GBE1: variants seen among roughly 807,000 people sequenced by gnomAD.
The protein encoded by GBE1 is 1,4-alpha-glucan-branching enzyme.
GBE1 carries 70 observed loss-of-function variants against 88.8 expected under a neutral mutation model. That is an observed-to-expected ratio of 0.79 (90% CI 0.65 to 0.96). GBE1 has a LOEUF of 0.96. GBE1 is among the 40% of genes least tolerant of loss of function. The probability of loss-of-function intolerance (pLI) is 0.00; values close to 1 mark genes in which losing one functional copy is unlikely to be tolerated. For missense variants in GBE1, 872 were observed against 871.0 expected (o/e 1.00, Z -0.01); for synonymous variants, 284 against 300.1 (o/e 0.95, Z 0.56).
chr3:81,498,004 T>C (rs929719549), intron 15 of GBE1, among the ~76,000 whole-genome samples: 1 of 152,170 alleles, frequency 6.6e-6, no homozygotes, highest in African/African-American at 2.4e-5. Context: ...TCCAAATATA[T>C]CTAAAGCTGT....
At chr3:81,675,134 T>A (rs1277328292) in intron 2 of GBE1, among the ~76,000 whole-genome samples, 2 of 152,038 alleles carry the variant, frequency 1.3e-5, no homozygotes, top group African/African-American at 2.4e-5. Context: ...AACCAGGGAC[T>A]ACACTTTAGA....
At chr3:81,760,754 T>A (rs1055128260) in intron 1 of GBE1, among the ~76,000 whole-genome samples, 3 of 152,198 alleles carry the variant, frequency 2.0e-5, no homozygotes, top group Admixed American at 6.5e-5. Context: ...ATGGTTAAAG[T>A]CACACACGGA....
intron 6 of GBE1, among the ~76,000 whole-genome samples, chr3:81,646,119 A>G (rs1413274481): frequency 1.3e-5 from 2 of 152,216 alleles, no homozygotes; most frequent in Non-Finnish European, 2.9e-5. Flanking sequence ...TTTTCTGACT[A>G]AAACGTGGGC....
intron 11 of GBE1, among the ~76,000 whole-genome samples, chr3:81,580,354 A>C (rs1050527569): frequency 1.3e-5 from 2 of 152,090 alleles, no homozygotes. Flanking sequence ...ACATAATGGA[A>C]ACTTGGAGGA....
chr3:81,539,705 G>C (rs1270012148), intron 12 of GBE1, among the ~76,000 whole-genome samples: 1 of 151,994 alleles, frequency 6.6e-6, no homozygotes, highest in East Asian at 1.9e-4. Flanking sequence ...GAAAAGGAAA[G>C]TCGGAATGCA....
intron 2 of GBE1, among the ~76,000 whole-genome samples, chr3:81,685,369 G>C (rs552432210): frequency 6.6e-6 from 1 of 151,874 alleles, no homozygotes; most frequent in Non-Finnish European, 1.5e-5. Flanking sequence ...CTTGTTCAAG[G>C]CTAATTCCTT....
chr3:81,592,545 T>C (rs970560102), intron 8 of GBE1, among the ~76,000 whole-genome samples: 2 of 152,206 alleles, frequency 1.3e-5, no homozygotes. Context: ...GTATTCTATT[T>C]GATCTTCTGC....
At chr3:81,595,678 T>C (rs902113882) in intron 7 of GBE1, among the ~76,000 whole-genome samples, 1 of 151,940 alleles carries the variant, frequency 6.6e-6, no homozygotes, top group African/African-American at 2.4e-5. Context: ...ATAGAAAGAA[T>C]TGCCCAGTGT....
At chr3:81,593,633 G>GT (rs1353808448) in intron 8 of GBE1, among the ~76,000 whole-genome samples, 1 of 151,932 alleles carries the variant, frequency 6.6e-6, no homozygotes, top group African/African-American at 2.4e-5. Context: ...AAGTGCTGTA[G>GT]TGTTCACATC....
chr3:81,651,421 G>A (rs538329165), intron 3 of GBE1, among the ~76,000 whole-genome samples: 18 of 152,170 alleles, frequency 1.2e-4, no homozygotes, highest in South Asian at 2.1e-4. Context: ...TGAAAGGAAT[G>A]TCTAAGTTAC....
rs142356324 is a variant in GBE1, at chr3:81,493,293, G to A, written c.2053-2830C>T. ...TGATAAGTCCAAGGTTCCTGGGAAA[G>A]TTGCAATGAAACACATTAGACAGGC... is the stretch of plus-strand genomic sequence containing the variant. On this transcript the variant is annotated intron_variant, in intron 15 of 15. Coordinates refer to ENST00000429644, the MANE Select transcript of GBE1 (RefSeq NM_000158.4). Among the ~76,000 whole-genome samples the A allele has an allele frequency of 3.9e-3, 592 of 152,238 alleles. 3 individuals carry two copies. The highest frequency in any genetic ancestry group is 0.014 in the African/African-American group (567 of 41,560).
intron 15 of GBE1, among the ~76,000 whole-genome samples, chr3:81,498,725 A>T (rs2106809213): frequency 6.6e-6 from 1 of 152,306 alleles, no homozygotes; most frequent in East Asian, 1.9e-4. Context: ...GCTAGTCAAT[A>T]ATGTAGAAAT....
chr3:81,756,533 G>C (rs1706604255), intron 1 of GBE1, among the ~76,000 whole-genome samples: 1 of 152,166 alleles, frequency 6.6e-6, no homozygotes, highest in African/African-American at 2.4e-5. Flanking sequence ...CCACTTATGA[G>C]AGCAAACAAT....
chr3:81,688,524 A>G (rs1048581279), intron 2 of GBE1, among the ~76,000 whole-genome samples: 1 of 152,188 alleles, frequency 6.6e-6, no homozygotes, highest in African/African-American at 2.4e-5. Context: ...CCAAAAAAAC[A>G]TTTATTTTTA....
At chr3:81,574,545 A>G (rs1308732199) in intron 12 of GBE1, among the ~76,000 whole-genome samples, 1 of 152,168 alleles carries the variant, frequency 6.6e-6, no homozygotes, top group East Asian at 1.9e-4. Flanking sequence ...CTTTTCTCTA[A>G]AAAGTATTCA....
chr3:81,669,553 A>G (rs1019015989), intron 3 of GBE1, among the ~76,000 whole-genome samples: 8 of 152,036 alleles, frequency 5.3e-5, no homozygotes, highest in African/African-American at 1.9e-4. Context: ...TGGCTTTAAC[A>G]CTCAATAAAT....
intron 10 of GBE1, among the ~76,000 whole-genome samples, chr3:81,582,125 T>A (rs1207949354): frequency 6.6e-6 from 1 of 152,066 alleles, no homozygotes; most frequent in African/African-American, 2.4e-5. Flanking sequence ...TTACTCTCCC[T>A]CTTTAATTCA....
rs537403517 is a variant in GBE1, at chr3:81,524,035, T to C, written c.1934+11160A>G. On this transcript the variant is annotated intron_variant, in intron 14 of 15. Transcript: ENST00000429644. The stretch of plus-strand genomic sequence containing the variant: ...ACCTAGCAGTGGGATTGCTGGATCA[T>C]ATGGTAGTTATATTTTTAGCTTTTC... 2.6e-5 allele frequency among the ~76,000 whole-genome samples: 4 copies of C among 151,868 alleles called. 1 individual carries two copies. The South Asian group carries it at 8.3e-4, about 31-fold the overall frequency.
At chr3:81,725,696 C>G (rs189932592) in intron 1 of GBE1, among the ~76,000 whole-genome samples, 1 of 152,270 alleles carries the variant, frequency 6.6e-6, no homozygotes, top group East Asian at 1.9e-4. Context: ...ATCAGCATCT[C>G]TAGAAACACA....
Sources: allele counts gnomAD v4.1 joint callset (sites outside exome capture counted in the v4.1 genomes callset), GRCh38; gene constraint gnomAD v4.1.1; transcripts MANE v1.5; gene names NCBI Gene and HGNC (gene_info 2026-07-23, HGNC 2026-07-21).